PPM1L: variants seen among roughly 807,000 people sequenced by gnomAD.
PPM1L encodes protein phosphatase 1L.
In PPM1L, 13 loss-of-function variants were observed where a neutral mutation model predicts 31.4. The observed-to-expected ratio is 0.41, with a 90% CI of 0.27 to 0.66. The LOEUF is 0.66. Among genes scored for constraint, PPM1L ranks in the 30% least tolerant of loss-of-function variants. PPM1L has a pLI of 0.29. For missense variants in PPM1L, 326 were observed against 453.7 expected (o/e 0.72, Z 2.56); for synonymous variants, 184 against 175.4 (o/e 1.05, Z -0.39).
At chr3:160,766,866 T>C (rs1168427885) in intron 1 of PPM1L, among the ~76,000 whole-genome samples, 1 of 148,694 alleles carries the variant, frequency 6.7e-6, no homozygotes, top group East Asian at 1.9e-4. Flanking sequence ...TCTGTTAAGA[T>C]TGAGACTTAA....
intron 1 of PPM1L, among the ~76,000 whole-genome samples, chr3:160,892,055 T>C (rs1560141069): frequency 1.3e-5 from 2 of 152,066 alleles, no homozygotes; most frequent in Non-Finnish European, 2.9e-5. Context: ...TGATGACGGG[T>C]TGATGGGTGC....
intron 2 of PPM1L, among the ~76,000 whole-genome samples, chr3:161,002,236 A>G (rs1717515993): frequency 1.3e-5 from 2 of 152,072 alleles, no homozygotes; most frequent in Admixed American, 6.6e-5. Flanking sequence ...CCAGTCTATC[A>G]TTGTTGGACA....
At chr3:160,914,337 G>A (rs1009993378) in intron 1 of PPM1L, among the ~76,000 whole-genome samples, 2 of 152,014 alleles carry the variant, frequency 1.3e-5, no homozygotes, top group South Asian at 2.1e-4. Context: ...TGTGCACAAC[G>A]TGCAGGTTAG....
At chr3:160,899,765 A>G (rs535610698) in intron 1 of PPM1L, among the ~76,000 whole-genome samples, 1 of 152,292 alleles carries the variant, frequency 6.6e-6, no homozygotes, top group South Asian at 2.1e-4. Context: ...TGAATTTATT[A>G]AGGTTTTCTA....
intron 1 of PPM1L, among the ~76,000 whole-genome samples, chr3:160,781,223 G>C (rs774412550): frequency 6.6e-6 from 1 of 152,130 alleles, no homozygotes; most frequent in South Asian, 2.1e-4. Context: ...TAGTGATAGA[G>C]CGACTCATGG....
At position 160,786,038 on chromosome 3, in the gene PPM1L, G is replaced by C. The variant is rs1030998920; in HGVS notation, c.399+29331G>C. ...ATTTATACTTCCATTAGTGCTATGT[G>C]AGAGTTCCTAAATCCCACTTTCATG... On this transcript the variant is annotated intron_variant, in intron 1 of 3. Coordinates refer to ENST00000498165, the MANE Select transcript of PPM1L (RefSeq NM_139245.4). Among the ~76,000 whole-genome samples, 187 of 149,956 alleles carry C rather than the reference G, an allele frequency of 1.2e-3. 1 individual carries two copies. Among genetic ancestry groups the C allele is most frequent in the African/African-American group, 4.3e-3 (177 of 40,854 alleles).
chr3:160,763,464 G>A (rs1287109043), intron 1 of PPM1L, among the ~76,000 whole-genome samples: 1 of 152,172 alleles, frequency 6.6e-6, no homozygotes, highest in East Asian at 1.9e-4. Flanking sequence ...TAAGGTACTT[G>A]AACCATTATG....
Position 160,979,334 on chromosome 3 carries a change from G to C in PPM1L, c.574+17424G>C, listed in dbSNP as rs146264515. Among the ~76,000 whole-genome samples, 12 of 152,038 alleles carry C rather than the reference G, an allele frequency of 7.9e-5. No individual in the cohort carries two copies. In the East Asian group the frequency reaches 2.3e-3, roughly 29 times the overall value. On this transcript the variant is annotated intron_variant, in intron 2 of 3. Coordinates refer to ENST00000498165, the MANE Select transcript of PPM1L (RefSeq NM_139245.4). ...CAAGGTGGAAACCCACCTTGGACAGGACACCATCTCATCCCCATGGTGCAC... is the reference window on the plus strand; with the variant it reads ...CAAGGTGGAAACCCACCTTGGACAGCACACCATCTCATCCCCATGGTGCAC...
chr3:160,809,216 TTTGA>T (rs1712734050), intron 1 of PPM1L, among the ~76,000 whole-genome samples: 2 of 152,218 alleles, frequency 1.3e-5, no homozygotes, highest in African/African-American at 4.8e-5. Flanking sequence ...TTCCTCTTCC[TTTGA>T]TTGGCCTGAA....
intron 1 of PPM1L, among the ~76,000 whole-genome samples, chr3:160,784,982 T>C (rs150570576): frequency 6.6e-6 from 1 of 152,088 alleles, no homozygotes; most frequent in East Asian, 1.9e-4. Context: ...GGCTCTGTGG[T>C]TGTTCTGAGG....
intron 1 of PPM1L, among the ~76,000 whole-genome samples, chr3:160,872,187 C>T (rs1388673157): frequency 6.6e-6 from 1 of 151,988 alleles, no homozygotes; most frequent in Non-Finnish European, 1.5e-5. Context: ...TTTTTGGGGG[C>T]AAAGAGAAGA....
chr3:161,035,530 T>A (rs1718719930), intron 2 of PPM1L, among the ~76,000 whole-genome samples: 1 of 152,228 alleles, frequency 6.6e-6, no homozygotes, highest in South Asian at 2.1e-4. Context: ...GTTGTTACTG[T>A]AAAAATAGTT....
intron 2 of PPM1L, among the ~76,000 whole-genome samples, chr3:161,055,648 G>GC (rs1719390147): frequency 6.6e-6 from 1 of 151,660 alleles, no homozygotes; most frequent in Non-Finnish European, 1.5e-5. Context: ...ATAATGAATG[G>GC]CCCTTTGGCT....
intron 1 of PPM1L, among the ~76,000 whole-genome samples, chr3:160,825,826 G>C (rs1305028140): frequency 1.3e-5 from 2 of 152,004 alleles, no homozygotes; most frequent in Non-Finnish European, 2.9e-5. Context: ...TGATATTCGC[G>C]AACCCTCCAC....
chr3:160,961,707 TTCTC>T (rs750951620), intron 1 of PPM1L, 25 bp from the exon 2 acceptor site: 1 of 1,548,276 alleles, frequency 6.5e-7, no homozygotes, highest in African/African-American at 1.4e-5. Flanking sequence ...TCTAATGGAG[TTCTC>T]TCTCTCTGAC....
At chr3:160,994,221 G>A (rs1717230543) in intron 2 of PPM1L, among the ~76,000 whole-genome samples, 1 of 152,080 alleles carries the variant, frequency 6.6e-6, no homozygotes, top group African/African-American at 2.4e-5. Flanking sequence ...AGTTGAAGAG[G>A]CTGAAGAAGA....
At chr3:161,041,080 A>G (rs1044536450) in intron 2 of PPM1L, among the ~76,000 whole-genome samples, 1 of 150,696 alleles carries the variant, frequency 6.6e-6, no homozygotes, top group Non-Finnish European at 1.5e-5. Flanking sequence ...GGCATTCACT[A>G]TAGGACTTCA....
rs568273318 is a variant in PPM1L at position 160,890,840 on chromosome 3, G to A, written c.400-70896G>A. On this transcript the variant is annotated intron_variant, in intron 1 of 3. Transcript: ENST00000498165. The stretch of plus-strand genomic sequence containing the variant: ...ACGCCACACATCTACAACCATCTGA[G>A]CTTCGACAAACCTGACAAAAATAAG... Among the ~76,000 whole-genome samples, 106 of 152,138 alleles carry A rather than the reference G, an allele frequency of 7.0e-4. 1 individual carries two copies. The highest frequency in any genetic ancestry group is 3.4e-3 in the Middle Eastern group (1 of 294).
chr3:160,780,849 T>C (rs1711724011), intron 1 of PPM1L, among the ~76,000 whole-genome samples: 1 of 152,190 alleles, frequency 6.6e-6, no homozygotes, highest in African/African-American at 2.4e-5. Flanking sequence ...TTCAGTTCTT[T>C]TTTGAAATAC....
Sources: gnomAD v4.1 joint callset for allele counts (sites outside exome capture counted in the v4.1 genomes callset) on GRCh38, gnomAD v4.1.1 for gene constraint, MANE v1.5 for transcripts, NCBI Gene and HGNC (gene_info 2026-07-23, HGNC 2026-07-21) for gene names.